Variants in SLIT3 observed in about 807,000 individuals in gnomAD.
SLIT3 encodes slit homolog 3 protein.
In SLIT3, 68 loss-of-function variants were observed where a neutral mutation model predicts 184.0. The observed-to-expected ratio is 0.37, with a 90% confidence interval of 0.30 to 0.45. SLIT3 has a LOEUF of 0.45. Ranked by LOEUF, SLIT3 falls within the 20% of genes least tolerant of loss-of-function variation. The pLI, the probability that SLIT3 is intolerant of heterozygous loss-of-function variation, is 1.00. For missense variants in SLIT3, 1,707 were observed against 2,026.0 expected, an observed-to-expected ratio of 0.84 and a Z score of 3.02; for synonymous variants, 831 against 828.6, an observed-to-expected ratio of 1.00 and a Z score of -0.05.
chr5:169,243,305 T>C (rs1765466317), intron 3 of SLIT3, among the ~76,000 whole-genome samples: 1 of 152,200 alleles, frequency 6.6e-6, no homozygotes, highest in African/African-American at 2.4e-5. Context: ...TCTGTAGAAA[T>C]GCTGAATATT....
intron 23 of SLIT3, 117 bp downstream of exon 23, chr5:168,722,139 G>A: frequency 1.2e-6 from 1 of 833,700 alleles, no homozygotes; most frequent in Non-Finnish European, 2.0e-6. Flanking sequence ...TGGGTAGGAA[G>A]GTGTGTTTGG....
At chr5:169,134,736 A>G (rs1761436608) in intron 4 of SLIT3, among the ~76,000 whole-genome samples, 1 of 152,164 alleles carries the variant, frequency 6.6e-6, no homozygotes, top group Admixed American at 6.5e-5. Context: ...GTACCCTAGA[A>G]CTTAAAGTAT....
Position 168,666,424 on chromosome 5 carries a change from C to T in SLIT3, c.*30G>A. Reference sequence around the variant, plus strand: ...TGTCCCAACTCCATCAAGCTGGAGTCCGAGAGGTGGCAGGCAGGCGGGCAG... The same window carrying T: ...TGTCCCAACTCCATCAAGCTGGAGTTCGAGAGGTGGCAGGCAGGCGGGCAG... On this transcript the variant is annotated 3_prime_UTR_variant, in exon 36 of 36. Coordinates refer to ENST00000519560, the MANE Select transcript of SLIT3 (RefSeq NM_003062.4). 1 of 1,521,844 alleles carries T rather than the reference C, an allele frequency of 6.6e-7. No homozygotes were observed. Among genetic ancestry groups the T allele is most frequent in the Non-Finnish European group, 8.8e-7 (1 of 1,134,088 alleles). The allele number at this position is 1,521,844 out of a possible 1,614,324, so 94.3% of individuals were successfully genotyped here.
At chr5:169,117,198 T>TA (rs1157638410) in intron 4 of SLIT3, among the ~76,000 whole-genome samples, 4 of 152,184 alleles carry the variant, frequency 2.6e-5, no homozygotes, top group Admixed American at 2.6e-4. Context: ...AGGGCACCCA[T>TA]AAAAATAGAG....
In SLIT3 at chr5:169,057,208, A is replaced by G. The variant is rs144855743; in HGVS notation, c.413+136271T>C. On this transcript the variant is annotated intron_variant, in intron 4 of 35. Coordinates refer to ENST00000519560, the MANE Select transcript of SLIT3 (RefSeq NM_003062.4). ...GGAGGGTCTAACATAGTGATAAGTT[A>G]TCTTAAACAAGAAGGGAAAAGCATG... Among the ~76,000 whole-genome samples the G allele has an allele frequency of 3.3e-5, 5 of 152,316 alleles. No homozygotes were observed. In the East Asian group the frequency reaches 9.6e-4, roughly 29 times the overall value.
chr5:169,163,650 C>T lies in SLIT3; in HGVS notation c.413+29829G>A, dbSNP rs1029301263. Among the ~76,000 whole-genome samples the T allele has an allele frequency of 3.9e-5, 6 of 152,188 alleles. No homozygotes were observed. The East Asian group carries it at 5.8e-4, about 15-fold the overall frequency. On this transcript the variant is annotated intron_variant, in intron 4 of 35. Coordinates refer to ENST00000519560, the MANE Select transcript of SLIT3 (RefSeq NM_003062.4). ...GATTCTCCCTGATTTCTCCTTGAGGCTGGCAACCTCACCAAAGCGATTAGA... is the reference window on the plus strand; with the variant it reads ...GATTCTCCCTGATTTCTCCTTGAGGTTGGCAACCTCACCAAAGCGATTAGA...
chr5:168,713,417 A>T (rs1762622013), intron 23 of SLIT3, among the ~76,000 whole-genome samples: 1 of 152,240 alleles, frequency 6.6e-6, no homozygotes, highest in Admixed American at 6.5e-5. Context: ...GAGCAAATCC[A>T]CAACGCATGG....
At chr5:168,892,975 G>A (rs1314605754) in intron 4 of SLIT3, among the ~76,000 whole-genome samples, 1 of 152,192 alleles carries the variant, frequency 6.6e-6, no homozygotes, top group Non-Finnish European at 1.5e-5. Flanking sequence ...AGTGGTCCAG[G>A]AAATATCAGT....
intron 4 of SLIT3, among the ~76,000 whole-genome samples, chr5:168,975,454 C>CA (rs1236059656): frequency 6.6e-6 from 1 of 150,612 alleles, no homozygotes; most frequent in Non-Finnish European, 1.5e-5. Flanking sequence ...AACATACAGA[C>CA]ACCCCCCCAC....
intron 12 of SLIT3, among the ~76,000 whole-genome samples, chr5:168,780,458 A>G (rs1293427788): frequency 6.6e-6 from 1 of 152,256 alleles, no homozygotes; most frequent in Non-Finnish European, 1.5e-5. Context: ...GATATACAAC[A>G]GGAGAAAGAT....
intron 4 of SLIT3, chr5:169,030,315 C>T (rs1355499331): frequency 6.6e-6 from 1 of 152,212 alleles, no homozygotes; most frequent in Non-Finnish European, 1.5e-5. Flanking sequence ...ATTTGATCCT[C>T]CAAACTATCA....
At chr5:168,820,402 C>T (rs1335233887) in intron 7 of SLIT3, among the ~76,000 whole-genome samples, 4 of 152,174 alleles carry the variant, frequency 2.6e-5, no homozygotes, top group African/African-American at 7.2e-5. Flanking sequence ...GGCAATTTAA[C>T]TCTGGGCCTC....
intron 3 of SLIT3, among the ~76,000 whole-genome samples, chr5:169,215,348 G>T (rs1764400746): frequency 6.6e-6 from 1 of 152,088 alleles, no homozygotes; most frequent in East Asian, 1.9e-4. Flanking sequence ...ATCCATTCTA[G>T]GAAGTCTGTC....
chr5:169,033,810 A>ATTTTT (rs568929106), intron 4 of SLIT3, among the ~76,000 whole-genome samples: 6 of 116,144 alleles, frequency 5.2e-5, no homozygotes, highest in Non-Finnish European at 9.0e-5. Flanking sequence ...CTATTGTATG[A>ATTTTT]TTTTTTTTTT....
intron 4 of SLIT3, among the ~76,000 whole-genome samples, chr5:168,992,190 T>C (rs1306458115): frequency 6.6e-6 from 1 of 152,184 alleles, no homozygotes; most frequent in Non-Finnish European, 1.5e-5. Flanking sequence ...GAAAAGAGAA[T>C]GACCTCCTGC....
At chr5:168,753,635 G>A (rs1179910806) in intron 17 of SLIT3, among the ~76,000 whole-genome samples, 1 of 152,028 alleles carries the variant, frequency 6.6e-6, no homozygotes. Context: ...ACTATGTTGG[G>A]TGTGTGTGTG....
chr5:169,259,698 G>A (rs1006234004), intron 1 of SLIT3, among the ~76,000 whole-genome samples: 2 of 152,206 alleles, frequency 1.3e-5, no homozygotes, highest in Middle Eastern at 3.2e-3. Context: ...TGTTGGGCAT[G>A]ATGTCTAGGA....
chr5:169,215,002 C>T (rs973217634), intron 3 of SLIT3, among the ~76,000 whole-genome samples: 53 of 152,296 alleles, frequency 3.5e-4, no homozygotes, highest in African/African-American at 1.3e-3. Flanking sequence ...TCCAGTCTCG[C>T]TCCTCACCCT....
At chr5:168,733,352 G>T (rs1747983948) in intron 20 of SLIT3, among the ~76,000 whole-genome samples, 1 of 152,086 alleles carries the variant, frequency 6.6e-6, no homozygotes, top group Admixed American at 6.5e-5. Context: ...AATGTAAATT[G>T]GTACAACCTT....
Sources: allele counts gnomAD v4.1 joint callset (sites outside exome capture counted in the v4.1 genomes callset), GRCh38; gene constraint gnomAD v4.1.1; transcripts MANE v1.5; gene names NCBI Gene and HGNC (gene_info 2026-07-23, HGNC 2026-07-21).